GRM1: variants seen among roughly 807,000 people sequenced by gnomAD.
GRM1 encodes glutamate metabotropic receptor 1.
GRM1 carries 33 observed loss-of-function variants against 90.9 expected under a neutral mutation model. That is an observed-to-expected ratio of 0.36 (90% CI 0.28 to 0.49). GRM1 has a LOEUF of 0.49. GRM1 is among the 20% of genes least tolerant of loss of function. The pLI is 0.99. For missense variants in GRM1, 1,190 were observed against 1,534.3 expected (o/e 0.78, Z 3.75); for synonymous variants, 700 against 613.2 (o/e 1.14, Z -2.09).
intron 5 of GRM1, among the ~76,000 whole-genome samples, chr6:146,381,607 A>T (rs893997883): frequency 3.3e-5 from 5 of 152,054 alleles, no homozygotes; most frequent in African/African-American, 1.2e-4. Flanking sequence ...TTGATTTTTG[A>T]TTCTCTGTAG....
chr6:146,158,652 G>C (rs939186081), intron 1 of GRM1, among the ~76,000 whole-genome samples: 3 of 152,168 alleles, frequency 2.0e-5, no homozygotes, highest in African/African-American at 7.2e-5. Context: ...GTGGAATAGA[G>C]AGACAGGGAA....
intron 3 of GRM1, among the ~76,000 whole-genome samples, chr6:146,337,862 A>G (rs1336387456): frequency 6.6e-6 from 1 of 152,276 alleles, no homozygotes; most frequent in Non-Finnish European, 1.5e-5. Context: ...TAGTAACTAA[A>G]GAAAACAAAA....
chr6:146,028,232 A>AGTGT (rs60190108), upstream of GRM1, among the ~76,000 whole-genome samples: 1,586 of 130,288 alleles, frequency 0.012, 12 homozygotes, highest in Admixed American at 0.02. Flanking sequence ...AGTGGAAGGG[A>AGTGT]GTGTGTGTGT....
intron 1 of GRM1, among the ~76,000 whole-genome samples, chr6:146,118,493 G>T (rs1415405528): frequency 6.6e-6 from 1 of 152,036 alleles, no homozygotes; most frequent in Non-Finnish European, 1.5e-5. Context: ...AACGTGCAGG[G>T]TTGTTACATA....
chr6:146,211,521 G>T (rs190509007), intron 2 of GRM1, among the ~76,000 whole-genome samples: 1 of 151,968 alleles, frequency 6.6e-6, no homozygotes, highest in African/African-American at 2.4e-5. Flanking sequence ...TTGATTATCC[G>T]GTGACTTTTT....
intron 1 of GRM1, among the ~76,000 whole-genome samples, chr6:146,116,630 A>G (rs1332049750): frequency 6.6e-6 from 1 of 152,160 alleles, no homozygotes; most frequent in Non-Finnish European, 1.5e-5. Context: ...ATGCTTTTAT[A>G]GAATCAAAGA....
intron 3 of GRM1, among the ~76,000 whole-genome samples, chr6:146,339,170 A>G (rs1285261643): frequency 6.6e-6 from 1 of 152,184 alleles, no homozygotes; most frequent in Non-Finnish European, 1.5e-5. Flanking sequence ...TGGCATTCTC[A>G]TTTTAATTTT....
chr6:146,130,701 A>C (rs983009209), intron 1 of GRM1, among the ~76,000 whole-genome samples: 1 of 152,170 alleles, frequency 6.6e-6, no homozygotes, highest in Non-Finnish European at 1.5e-5. Flanking sequence ...AGAGTCTGAG[A>C]AAGGAGACAC....
At chr6:146,404,948 G>T (rs1777291400) in intron 7 of GRM1, among the ~76,000 whole-genome samples, 1 of 152,128 alleles carries the variant, frequency 6.6e-6, no homozygotes, top group African/African-American at 2.4e-5. Flanking sequence ...TTGAATCCAA[G>T]ACATGCATAT....
At chr6:146,119,371 T>A (rs1448443056) in intron 1 of GRM1, among the ~76,000 whole-genome samples, 1 of 152,100 alleles carries the variant, frequency 6.6e-6, no homozygotes, top group African/African-American at 2.4e-5. Flanking sequence ...ATTGAAAAAA[T>A]TTTCTCCCAT....
At chr6:146,421,362 G>A (rs962817573) in intron 7 of GRM1, among the ~76,000 whole-genome samples, 6 of 151,690 alleles carry the variant, frequency 4.0e-5, no homozygotes, top group Non-Finnish European at 8.8e-5. Flanking sequence ...CATAATACTA[G>A]TTATACATAA....
intron 2 of GRM1, among the ~76,000 whole-genome samples, chr6:146,278,516 C>G (rs572593433): frequency 6.6e-6 from 1 of 152,176 alleles, no homozygotes; most frequent in Admixed American, 6.5e-5. Context: ...TAGCTCACTC[C>G]TGTAAACCCA....
At chr6:146,254,920 G>A (rs932202066) in intron 2 of GRM1, among the ~76,000 whole-genome samples, 1 of 152,082 alleles carries the variant, frequency 6.6e-6, no homozygotes, top group African/African-American at 2.4e-5. Context: ...CATTTTATTG[G>A]CTGATGGCAT....
In GRM1 at chr6:146,434,373, C is replaced by G. The variant is rs1255028523; in HGVS notation, c.3162C>G (p.Gly1054=). 19 of 1,613,116 alleles carry G rather than the reference C, an allele frequency of 1.2e-5. No individual in the cohort carries two copies. The highest frequency in any genetic ancestry group is 8.9e-5 in the East Asian group (4 of 44,858). The change falls in exon 8 of 8, where the codon GGC becomes GGG. Residue 1054 remains glycine (G), a synonymous_variant. Coordinates refer to ENST00000282753, the MANE Select transcript of GRM1 (RefSeq NM_001278064.2). ...AIPDFHAVLA[G]PGGPGNGLRS... Reference sequence around the variant, plus strand: ...CGGATTTTCACGCGGTGCTGGCAGGCCCCGGTGGTCCCGGGAACGGGCTGC... The same window carrying G: ...CGGATTTTCACGCGGTGCTGGCAGGGCCCGGTGGTCCCGGGAACGGGCTGC...
At chr6:146,356,794 C>A (rs936502956) in intron 4 of GRM1, among the ~76,000 whole-genome samples, 5 of 151,952 alleles carry the variant, frequency 3.3e-5, no homozygotes, top group African/African-American at 1.2e-4. Context: ...TGTCCTATAC[C>A]ATATACATAT....
At chr6:146,038,286 G>A (rs1315370516) in intron 1 of GRM1, among the ~76,000 whole-genome samples, 2 of 151,908 alleles carry the variant, frequency 1.3e-5, no homozygotes, top group Non-Finnish European at 2.9e-5. Context: ...AGTGGATAAG[G>A]ATGAGAAAAT....
In GRM1 at chr6:146,063,919, C is replaced by T. The variant is rs1232529110; in HGVS notation, c.700+33702C>T. ...TATTATCTATGCTAATTAAGAGATG[C>T]AAAGTCACAGAAATACAATGAAATC... On this transcript the variant is annotated intron_variant, in intron 1 of 7. Coordinates refer to ENST00000282753, the MANE Select transcript of GRM1 (RefSeq NM_001278064.2). Among the ~76,000 whole-genome samples, 6 of 152,080 alleles carry T rather than the reference C, an allele frequency of 3.9e-5. 1 individual carries two copies. The highest frequency in any genetic ancestry group is 5.9e-5 in the Non-Finnish European group (4 of 68,006).
At chr6:146,072,280 A>G (rs939690293) in intron 1 of GRM1, among the ~76,000 whole-genome samples, 1 of 152,086 alleles carries the variant, frequency 6.6e-6, no homozygotes, top group Non-Finnish European at 1.5e-5. Flanking sequence ...TACTTCCATT[A>G]GGGCATCTGA....
At chr6:146,140,328 G>A (rs1776825291) in intron 1 of GRM1, among the ~76,000 whole-genome samples, 1 of 151,832 alleles carries the variant, frequency 6.6e-6, no homozygotes, top group African/African-American at 2.4e-5. Context: ...GGAGTGCAGT[G>A]CACGATCTCA....
Sources: allele counts gnomAD v4.1 joint callset (sites outside exome capture counted in the v4.1 genomes callset), GRCh38; gene constraint gnomAD v4.1.1; transcripts MANE v1.5; gene names NCBI Gene and HGNC (gene_info 2026-07-23, HGNC 2026-07-21).